Variants in CYLC2 observed in about 807,000 individuals in gnomAD.
The protein encoded by CYLC2 is cylicin-2.
A neutral mutation model predicts 26.1 loss-of-function variants in CYLC2; 30 were observed. That is an observed-to-expected ratio of 1.15 (90% CI 0.86 to 1.56). The LOEUF is 1.56. Ranked by LOEUF, CYLC2 falls within the 40% of genes most tolerant of loss-of-function variation. The pLI, the probability that CYLC2 is intolerant of heterozygous loss-of-function variation, is 0.00. For synonymous variants in CYLC2, 158 were observed against 132.8 expected, an observed-to-expected ratio of 1.19 and a Z score of -1.31; for missense variants, 498 against 394.4, an observed-to-expected ratio of 1.26 and a Z score of -2.23.
chr9:103,017,131 G>A (rs1829515480), intron 7 of CYLC2, among the ~76,000 whole-genome samples, 170 bp downstream of exon 7: 1 of 151,660 alleles, frequency 6.6e-6, no homozygotes, highest in East Asian at 1.9e-4. Context: ...ATACTTAAGG[G>A]GAAGAAATGG....
intron 6 of CYLC2, among the ~76,000 whole-genome samples, chr9:103,013,384 A>AT (rs1476991084): frequency 1.5e-5 from 1 of 67,050 alleles, no homozygotes; most frequent in Non-Finnish European, 2.4e-5. Context: ...TATATTATAT[A>AT]AATATATATT....
intron 6 of CYLC2, among the ~76,000 whole-genome samples, chr9:103,015,779 T>C (rs1829498493): frequency 6.7e-6 from 1 of 149,968 alleles, no homozygotes; most frequent in African/African-American, 2.4e-5. Flanking sequence ...ACTGTGCCAA[T>C]ATATCATCTA....
rs149978983 is a variant in CYLC2, at chr9:102,996,168, C to T, written c.17+771C>T. Among the ~76,000 whole-genome samples, 46 of 151,914 alleles carry T rather than the reference C, an allele frequency of 3.0e-4. 1 individual carries two copies. In the East Asian group the frequency reaches 8.5e-3, roughly 28 times the overall value. On this transcript the variant is annotated intron_variant, in intron 1 of 7. Transcript: ENST00000374798. Reference sequence around the variant, plus strand: ...AAATAAAATAGGCTTTCCATAGATACTGGTGCCCATTTTGTTATAAAACAA... The same window carrying T: ...AAATAAAATAGGCTTTCCATAGATATTGGTGCCCATTTTGTTATAAAACAA...
At chr9:103,002,335 T>TTGGGTGTA (rs2118230935) in intron 2 of CYLC2, among the ~76,000 whole-genome samples, 1 of 151,582 alleles carries the variant, frequency 6.6e-6, no homozygotes, top group Non-Finnish European at 1.5e-5. Context: ...GATACCATTC[T>TTGGGTGTA]TGGGTGTATA....
chr9:103,008,469 T>G (rs1829374106), intron 5 of CYLC2, among the ~76,000 whole-genome samples: 1 of 152,092 alleles, frequency 6.6e-6, no homozygotes, highest in African/African-American at 2.4e-5. Context: ...CAGTTCCATA[T>G]TCCCATATCC....
intron 5 of CYLC2, chr9:103,010,572 ATTGT>A (rs1370220760): frequency 1.3e-5 from 2 of 152,064 alleles, no homozygotes; most frequent in Admixed American, 6.6e-5. Context: ...ATGTAGTGTA[ATTGT>A]TTGTGGATTT....
chr9:103,005,289 G>T lies in CYLC2; in HGVS notation c.658G>T (p.Gly220Cys), dbSNP rs372526616. The T allele has an allele frequency of 2.5e-5, 40 of 1,613,328 alleles. No homozygotes were observed. The African/African-American group carries it at 4.0e-4, about 16-fold the overall frequency. Reference sequence around the variant, plus strand: ...AGGTACAGAGAAAGATAGCAAAAAAGGTAAAAAGGATTCAAAGAAGGGCAA... The same window carrying T: ...AGGTACAGAGAAAGATAGCAAAAAATGTAAAAAGGATTCAAAGAAGGGCAA... ...KGGTEKDSKKGKKDSKKGKDS... is the reference protein window; with the variant it reads ...KGGTEKDSKKCKKDSKKGKDS... Residue 220 changes from glycine (G) to cysteine (C), a missense_variant, in exon 5 of 8, where the codon GGT becomes TGT. Transcript: ENST00000374798.
chr9:103,000,455 C>T (rs538609320), intron 1 of CYLC2, among the ~76,000 whole-genome samples: 1 of 152,118 alleles, frequency 6.6e-6, no homozygotes, highest in East Asian at 1.9e-4. Flanking sequence ...TGGGTATCAA[C>T]ATTTCTTCTG....
At chr9:103,014,606 T>TACATCATATGTATATTATGTAGTAC (rs1829471286) in intron 6 of CYLC2, among the ~76,000 whole-genome samples, 1 of 142,852 alleles carries the variant, frequency 7.0e-6, no homozygotes, top group Admixed American at 7.1e-5. Flanking sequence ...TTATGCAGTA[T>TACATCATATGTATATTATGTAGTAC]ACATCATATG....
chr9:103,018,278 G>T (rs546173784), intron 7 of CYLC2, 47 bp from the exon 8 acceptor site: 1 of 151,824 alleles, frequency 6.6e-6, no homozygotes, highest in Admixed American at 6.6e-5. Flanking sequence ...ACTGCTTCTG[G>T]GAGAAGGTTT....
intron 5 of CYLC2, among the ~76,000 whole-genome samples, chr9:103,011,717 A>AT (rs759936174): frequency 2.0e-5 from 3 of 152,012 alleles, no homozygotes; most frequent in Non-Finnish European, 4.4e-5. Context: ...TAAACAGAAA[A>AT]TTTTGCCTCT....
chr9:103,005,318 T>G lies in CYLC2; in HGVS notation c.687T>G (p.Asp229Glu). The change falls in exon 5 of 8, where the codon GAT becomes GAG. Residue 229 changes from aspartate (D) to glutamate (E), a missense_variant. Physicochemically the swap from Asp to Glu is conservative, Grantham distance 45. Coordinates refer to ENST00000374798, the MANE Select transcript of CYLC2 (RefSeq NM_001340.5). ...KGKKDSKKGK[D>E]SAIELQAVKA... ...AAAAGGATTCAAAGAAGGGCAAGGA[T>G]TCAGCCATAGAATTACAAGCTGTAA... 6.2e-7 allele frequency: 1 copy of G among 1,613,632 alleles called. No individual in the cohort carries two copies. The highest frequency in any genetic ancestry group is 8.5e-7 in the Non-Finnish European group (1 of 1,179,892).
At chr9:103,008,430 T>C (rs1430346146) in intron 5 of CYLC2, among the ~76,000 whole-genome samples, 1 of 152,150 alleles carries the variant, frequency 6.6e-6, no homozygotes, top group Non-Finnish European at 1.5e-5. Flanking sequence ...TTGAATTTTA[T>C]ATTTAAATCT....
intron 1 of CYLC2, among the ~76,000 whole-genome samples, chr9:102,996,181 T>C (rs1829235300): frequency 6.6e-6 from 1 of 151,926 alleles, no homozygotes; most frequent in African/African-American, 2.4e-5. Context: ...GTGCCCATTT[T>C]GTTATAAAAC....
At chr9:103,015,095 T>TATACCTATATTTATATATA in intron 6 of CYLC2, among the ~76,000 whole-genome samples, 3 of 71,084 alleles carry the variant, frequency 4.2e-5, no homozygotes, top group Non-Finnish European at 5.5e-5. Context: ...ATAACATGTA[T>TATACCTATATTTATATATA]ATCACGTGAT....
intron 6 of CYLC2, among the ~76,000 whole-genome samples, chr9:103,013,796 ATATTATATATTATTATGTAT>A (rs1829449646): frequency 9.6e-6 from 1 of 104,044 alleles, no homozygotes; most frequent in African/African-American, 3.8e-5. Flanking sequence ...ATTATATTTT[ATATTATATATTATTATGTAT>A]ATAATATGTA....
At chr9:102,997,787 A>G (rs1564095859) in intron 1 of CYLC2, among the ~76,000 whole-genome samples, 1 of 151,990 alleles carries the variant, frequency 6.6e-6, no homozygotes, top group Non-Finnish European at 1.5e-5. Context: ...GGCAAGAGGA[A>G]AGATGGGTGG....
In CYLC2 at chr9:103,004,040, T is replaced by G. The variant is rs546988735; in HGVS notation, c.181-655T>G. Among the ~76,000 whole-genome samples the G allele has an allele frequency of 4.6e-5, 7 of 152,296 alleles. No homozygotes were observed. The South Asian group carries it at 1.2e-3, about 27-fold the overall frequency. On this transcript the variant is annotated intron_variant, in intron 3 of 7. Transcript: ENST00000374798. ...TTCTTGCTGAATTTATTTTTCCATT[T>G]TTGTTAATATTTGTACAGAGATTAG...
chr9:103,003,200 AC>A lies in CYLC2; in HGVS notation c.119del (p.Pro40HisfsTer22). On this transcript the variant is annotated frameshift_variant, in exon 3 of 8. Transcript: ENST00000374798. LOFTEE classifies it high-confidence loss of function. ...QQHFALLFPK[P>X]QRPGTKRRSK... The stretch of plus-strand genomic sequence containing the variant: ...AACACTTTGCCCTGTTATTTCCCAA[AC>A]CACAACGGCCAGGAACCAAAAGGAG... 1 of 1,613,920 alleles carries A rather than the reference AC, an allele frequency of 6.2e-7. No individual in the cohort carries two copies. The highest frequency in any genetic ancestry group is 8.5e-7 in the Non-Finnish European group (1 of 1,179,884).
Sources: allele counts gnomAD v4.1 joint callset (sites outside exome capture counted in the v4.1 genomes callset), GRCh38; gene constraint gnomAD v4.1.1; transcripts MANE v1.5; gene names NCBI Gene and HGNC (gene_info 2026-07-23, HGNC 2026-07-21).